The following CHST11 variants were observed in gnomAD, a reference collection of about 807,000 sequenced individuals.
CHST11 encodes the protein C4S-1.
CHST11 carries 9 observed loss-of-function variants against 30.4 expected under a neutral mutation model. The observed-to-expected ratio is 0.30, with a 90% CI of 0.18 to 0.52. CHST11 has a LOEUF of 0.52. Among genes scored for constraint, CHST11 ranks in the 20% least tolerant of loss-of-function variants. The pLI is 0.97. For synonymous variants in CHST11, 152 were observed against 187.8 expected (o/e 0.81, Z 1.56); for missense variants, 348 against 460.6 (o/e 0.76, Z 2.24).
chr12:104,706,157 G>A (rs2040032347), intron 2 of CHST11, among the ~76,000 whole-genome samples: 1 of 151,990 alleles, frequency 6.6e-6, no homozygotes, highest in Non-Finnish European at 1.5e-5. Context: ...GCCGAGGCGG[G>A]CAGATCACCT....
chr12:104,737,106 C>T (rs1481804913), intron 2 of CHST11, among the ~76,000 whole-genome samples: 1 of 152,244 alleles, frequency 6.6e-6, no homozygotes, highest in African/African-American at 2.4e-5. Context: ...TCCATAACAA[C>T]TTTAAGGAAA....
At position 104,722,577 on chromosome 12, in the gene CHST11, T is replaced by C. The variant is rs540293518; in HGVS notation, c.205-34372T>C. The stretch of plus-strand genomic sequence containing the variant: ...AAATGGTGAGGATGAGTTTTATTTC[T>C]AACACGTCATCGTTTCTGCTTGTGG... On this transcript the variant is annotated intron_variant, in intron 2 of 2. Coordinates refer to ENST00000303694, the MANE Select transcript of CHST11 (RefSeq NM_018413.6). Among the ~76,000 whole-genome samples the C allele has an allele frequency of 1.8e-4, 28 of 152,250 alleles. No homozygotes were observed. In the South Asian group the frequency reaches 5.4e-3, roughly 29 times the overall value.
chr12:104,557,127 T>C (rs2038465092), intron 1 of CHST11, among the ~76,000 whole-genome samples: 1 of 152,214 alleles, frequency 6.6e-6, no homozygotes, highest in Admixed American at 6.5e-5. Flanking sequence ...GTCACATTCA[T>C]AGGTACTGGT....
intron 1 of CHST11, among the ~76,000 whole-genome samples, chr12:104,580,543 A>G (rs1262771280): frequency 6.6e-6 from 1 of 152,216 alleles, no homozygotes; most frequent in East Asian, 1.9e-4. Flanking sequence ...ACAATCAGAG[A>G]ATGGTAGAAA....
chr12:104,595,425 A>G (rs11610583), intron 1 of CHST11, among the ~76,000 whole-genome samples: 43,170 of 151,482 alleles, frequency 0.28, 6,288 homozygotes, highest in African/African-American at 0.35. Flanking sequence ...CACCCACCAC[A>G]CCTTCCACCT....
intron 1 of CHST11, among the ~76,000 whole-genome samples, chr12:104,471,885 A>G (rs1462156075): frequency 2.0e-5 from 3 of 152,162 alleles, no homozygotes; most frequent in African/African-American, 7.2e-5. Flanking sequence ...ACTGTAATGT[A>G]TAGTGTAGCT....
At chr12:104,540,094 T>C (rs1486491534) in intron 1 of CHST11, among the ~76,000 whole-genome samples, 1 of 152,246 alleles carries the variant, frequency 6.6e-6, no homozygotes, top group African/African-American at 2.4e-5. Context: ...TTTGTGTGAC[T>C]CAGTGTAGCA....
intron 2 of CHST11, among the ~76,000 whole-genome samples, chr12:104,651,847 G>C (rs1376645754): frequency 6.6e-6 from 1 of 152,066 alleles, no homozygotes; most frequent in African/African-American, 2.4e-5. Flanking sequence ...CTCATGCATG[G>C]ATGCTGCTCT....
At chr12:104,500,055 C>T (rs2037838328) in intron 1 of CHST11, among the ~76,000 whole-genome samples, 1 of 152,218 alleles carries the variant, frequency 6.6e-6, no homozygotes, top group African/African-American at 2.4e-5. Flanking sequence ...TTTTGAGATG[C>T]ATTTGCTGGG....
intron 1 of CHST11, among the ~76,000 whole-genome samples, chr12:104,569,430 G>A (rs2038601639): frequency 6.6e-6 from 1 of 152,170 alleles, no homozygotes; most frequent in Non-Finnish European, 1.5e-5. Flanking sequence ...CGAGACCAGT[G>A]TCTCTTACAA....
intron 2 of CHST11, among the ~76,000 whole-genome samples, chr12:104,617,963 C>G (rs969525503): frequency 6.6e-6 from 1 of 151,448 alleles, no homozygotes; most frequent in Non-Finnish European, 1.5e-5. Flanking sequence ...GGCTGGTGAG[C>G]CATGGTGCGA....
intron 1 of CHST11, among the ~76,000 whole-genome samples, chr12:104,499,214 T>C (rs1376558392): frequency 1.3e-5 from 2 of 152,206 alleles, no homozygotes; most frequent in African/African-American, 4.8e-5. Flanking sequence ...TCTCATAGGC[T>C]GTTAGATTTG....
At chr12:104,665,099 C>T (rs976910855) in intron 2 of CHST11, among the ~76,000 whole-genome samples, 2 of 152,168 alleles carry the variant, frequency 1.3e-5, no homozygotes, top group African/African-American at 2.4e-5. Flanking sequence ...CCACTTTCAC[C>T]TCTCTAGGTA....
chr12:104,459,172 T>A (rs891758156), intron 1 of CHST11, among the ~76,000 whole-genome samples: 6 of 152,232 alleles, frequency 3.9e-5, no homozygotes, highest in African/African-American at 1.4e-4. Flanking sequence ...AACCTGCGGT[T>A]GTGAAACTTA....
At chr12:104,475,666 A>ATATATATATATATATATATATG (rs2037551025) in intron 1 of CHST11, among the ~76,000 whole-genome samples, 2 of 68,242 alleles carry the variant, frequency 2.9e-5, no homozygotes, top group African/African-American at 1.3e-4. Context: ...CATTATATAT[A>ATATATATATATATATATATATG]TATATATATA....
At chr12:104,636,840 C>T (rs2039326989) in intron 2 of CHST11, among the ~76,000 whole-genome samples, 4 of 151,978 alleles carry the variant, frequency 2.6e-5, no homozygotes, top group Non-Finnish European at 1.5e-5. Context: ...TACTGCAACT[C>T]CTACTACTCC....
intron 2 of CHST11, among the ~76,000 whole-genome samples, chr12:104,617,224 T>G (rs1226405217): frequency 1.3e-5 from 2 of 151,584 alleles, no homozygotes; most frequent in Admixed American, 6.6e-5. Flanking sequence ...GTCCCTGGAG[T>G]GAAGGGGATT....
chr12:104,745,126 A>G (rs908154700), intron 2 of CHST11, among the ~76,000 whole-genome samples: 1 of 152,152 alleles, frequency 6.6e-6, no homozygotes, highest in Admixed American at 6.5e-5. Flanking sequence ...TGCCTGCCTC[A>G]GCCTCCCAAA....
chr12:104,691,221 C>T (rs1042889604), intron 2 of CHST11, among the ~76,000 whole-genome samples: 2 of 152,114 alleles, frequency 1.3e-5, no homozygotes, highest in African/African-American at 4.8e-5. Flanking sequence ...TGGTTCAGCC[C>T]GTTCTGAACT....
Sources: allele counts gnomAD v4.1 joint callset (sites outside exome capture counted in the v4.1 genomes callset), GRCh38; gene constraint gnomAD v4.1.1; transcripts MANE v1.5; gene names NCBI Gene and HGNC (gene_info 2026-07-23, HGNC 2026-07-21).